SLC12A4: variants seen among roughly 807,000 people sequenced by gnomAD.
The protein encoded by SLC12A4 is electroneutral potassium-chloride cotransporter 1.
In SLC12A4, 84 loss-of-function variants were observed where a neutral mutation model predicts 119.2. That is an observed-to-expected ratio of 0.70 (90% CI 0.59 to 0.85). SLC12A4 has a LOEUF of 0.85. Among genes scored for constraint, SLC12A4 ranks in the 40% least tolerant of loss-of-function variants. The pLI is 0.00. For missense variants in SLC12A4, 1,298 were observed against 1,476.3 expected (o/e 0.88, Z 1.98); for synonymous variants, 599 against 604.6 (o/e 0.99, Z 0.14).
chr16:67,967,628 G>A (rs1229232006), intron 1 of SLC12A4, among the ~76,000 whole-genome samples: 2 of 152,148 alleles, frequency 1.3e-5, no homozygotes, highest in Non-Finnish European at 2.9e-5. Context: ...GGAGAGACGC[G>A]GGCACCTGGG....
chr16:67,965,191 T>C (rs1242442472), intron 1 of SLC12A4, among the ~76,000 whole-genome samples: 4 of 152,170 alleles, frequency 2.6e-5, no homozygotes, highest in African/African-American at 9.7e-5. Flanking sequence ...CCATGCTTGT[T>C]CAGGATCAGA....
chr16:67,943,974 C>G lies in SLC12A4; in HGVS notation c.*866G>C, dbSNP rs143128684. The G allele has an allele frequency of 6.5e-7, 1 of 1,548,100 alleles. No individual in the cohort carries two copies. Among genetic ancestry groups the G allele is most frequent in the African/African-American group, 1.4e-5 (1 of 72,970 alleles). ...GAGGATGACGGGCCGTGTGTGGTTA[C>G]TGAGCTCAGCCTTGGGCGTGGTGTG... On this transcript the variant is annotated 3_prime_UTR_variant, in exon 24 of 24. Coordinates refer to ENST00000316341, the MANE Select transcript of SLC12A4 (RefSeq NM_005072.5). The surrounding 1 kb of genome is among the most constrained non-coding windows in gnomAD (Gnocchi z 4.6).
intron 6 of SLC12A4, among the ~76,000 whole-genome samples, chr16:67,953,691 A>T (rs536953965): frequency 6.6e-6 from 1 of 152,342 alleles, no homozygotes; most frequent in South Asian, 2.1e-4. Flanking sequence ...TGTAAATTAT[A>T]TGTTAATAAA....
chr16:67,950,348 C>A lies in SLC12A4; in HGVS notation c.1600G>T (p.Ala534Ser). ...TGAPRLLQAI[A>S]KDNIIPFLRV... ...AGGAAGGGGATGATGTTGTCCTTGG[C>A]AATGGCCTGCAATAGGCGTGGTGCC... is the stretch of plus-strand genomic sequence containing the variant. Residue 534 changes from alanine (A) to serine (S), a missense_variant, in exon 12 of 24, where the codon GCC becomes TCC. Physicochemically the swap from Ala to Ser is moderately conservative, Grantham distance 99. Coordinates refer to ENST00000316341, the MANE Select transcript of SLC12A4 (RefSeq NM_005072.5). The surrounding 1 kb of genome is among the most constrained non-coding windows in gnomAD (Gnocchi z 4.3). 6.2e-7 allele frequency: 1 copy of A among 1,614,018 alleles called. No homozygotes were observed.
chr16:67,947,336 G>A lies in SLC12A4; in HGVS notation c.2067C>T (p.Asn689=), dbSNP rs201338401. Reference sequence around the variant, plus strand: ...AGGGTCTGGCGGGAACTCACCGCCAGTTCTTGGTGTGAGGAGGCCCCTCCT... The same window carrying A: ...AGGGTCTGGCGGGAACTCACCGCCAATTCTTGGTGTGAGGAGGCCCCTCCT... ...RLEEGPPHTK[N]WRPQLLVLLK... Residue 689 remains asparagine (N), a synonymous_variant, in exon 16 of 24, where the codon AAC becomes AAT. Transcript: ENST00000316341. 4.0e-5 allele frequency: 64 copies of A among 1,611,876 alleles called. No individual in the cohort carries two copies. In the East Asian group the frequency reaches 1.4e-3, roughly 35 times the overall value.
chr16:67,968,365 G>A, intron 1 of SLC12A4, 74 bp downstream of exon 1: 1 of 1,342,874 alleles, frequency 7.4e-7, no homozygotes, highest in African/African-American at 1.5e-5. Context: ...ATAGGTGCGG[G>A]CGCGGGCCCG....
Position 67,943,845 on chromosome 16 carries a change from C to T in SLC12A4, c.*995G>A. The T allele has an allele frequency of 8.7e-7, 1 of 1,147,796 alleles. No individual in the cohort carries two copies. The highest frequency in any genetic ancestry group is 1.6e-5 in the African/African-American group (1 of 64,190). 71.1% of individuals were successfully genotyped at this position (1,147,796 alleles called of 1,614,324 possible). ...ACCAGGGCAGGTACTTATGTCGGGG[C>T]TTATGCAGGGCAGAAGGGCTTTGGC... On this transcript the variant is annotated 3_prime_UTR_variant, in exon 24 of 24. Transcript: ENST00000316341. The surrounding 1 kb of genome is among the most constrained non-coding windows in gnomAD (Gnocchi z 4.6).
At chr16:67,947,846 C>T in intron 14 of SLC12A4, 58 bp from the exon 15 acceptor site, 1 of 1,539,666 alleles carries the variant, frequency 6.5e-7, no homozygotes, top group South Asian at 1.2e-5. Flanking sequence ...TGGCCACAGC[C>T]TGGCCCATGC....
chr16:67,956,551 G>A (rs576509125), intron 5 of SLC12A4, among the ~76,000 whole-genome samples: 38 of 151,808 alleles, frequency 2.5e-4, no homozygotes, highest in Non-Finnish European at 5.0e-4. Flanking sequence ...GTGGTCGCCT[G>A]TAATCCCAGC....
Position 67,943,730 on chromosome 16 carries a change from GC to G in SLC12A4, c.*1109del, listed in dbSNP as rs745557321. The G allele has an allele frequency of 3.7e-5, 21 of 571,890 alleles. No individual in the cohort carries two copies. The highest frequency in any genetic ancestry group is 5.6e-5 in the African/African-American group (3 of 53,498). 35.4% of individuals were successfully genotyped at this position (571,890 alleles called of 1,614,324 possible). Reference sequence around the variant, plus strand: ...TCAGGCACACCCCGTCCCCCACTCCGCCCCCCCTGGGTTAGACAACTGAGAG... The same window carrying G: ...TCAGGCACACCCCGTCCCCCACTCCGCCCCCCTGGGTTAGACAACTGAGAG... On this transcript the variant is annotated 3_prime_UTR_variant, in exon 24 of 24. Coordinates refer to ENST00000316341, the MANE Select transcript of SLC12A4 (RefSeq NM_005072.5). This position sits in a 1 kb window ranked among gnomAD's most constrained non-coding sequence, Gnocchi z 4.6.
chr16:67,944,030 G>A lies in SLC12A4; in HGVS notation c.*810C>T, dbSNP rs766869301. On this transcript the variant is annotated 3_prime_UTR_variant, in exon 24 of 24. Coordinates refer to ENST00000316341, the MANE Select transcript of SLC12A4 (RefSeq NM_005072.5). This position sits in a 1 kb window ranked among gnomAD's most constrained non-coding sequence, Gnocchi z 6.6. ...GGAAGAGCACATTGAGGAGCCAGAA[G>A]GGGGCGGCAGGAGGGAGCAGCAGCC... The A allele has an allele frequency of 6.5e-6, 10 of 1,547,838 alleles. No individual in the cohort carries two copies. The highest frequency in any genetic ancestry group is 8.7e-6 in the Non-Finnish European group (10 of 1,145,756).
rs370106833 is a variant in SLC12A4 at position 67,949,835 on chromosome 16, G to A, written c.1713C>T (p.Ile571=). The A allele has an allele frequency of 3.7e-5, 60 of 1,610,220 alleles. 1 individual carries two copies. The South Asian group carries it at 4.0e-4, about 11-fold the overall frequency. ...TALIAELGIL[I]ASLDMVAPIL... ...TGGGGGCCACCATGTCGAGGGAGGC[G>A]ATGAGGATGCCCAGCTCGGCGATGA... The change falls in exon 13 of 24, where the codon ATC becomes ATT. Residue 571 remains isoleucine, a synonymous_variant. Transcript: ENST00000316341. The surrounding 1 kb of genome is among the most constrained non-coding windows in gnomAD (Gnocchi z 4.6).
chr16:67,956,484 G>A lies in SLC12A4; in HGVS notation c.544+1258C>T, dbSNP rs141559907. 5.3e-3 allele frequency among the ~76,000 whole-genome samples: 799 copies of A among 152,092 alleles called. 8 individuals are homozygous for A. The highest frequency in any genetic ancestry group is 0.018 in the African/African-American group (733 of 41,474). ...GTGGATCAGTTAAGGTCAAGAGTTC[G>A]AAACCATCCTGGCCAACATAGTGAA... On this transcript the variant is annotated intron_variant, in intron 5 of 23. Coordinates refer to ENST00000316341, the MANE Select transcript of SLC12A4 (RefSeq NM_005072.5).
chr16:67,964,062 C>T (rs1030726082), intron 1 of SLC12A4: 3 of 1,548,112 alleles, frequency 1.9e-6, no homozygotes, highest in Middle Eastern at 1.7e-4. Context: ...CCCCACCATG[C>T]ACTGCGCGGG....
At position 67,946,280 on chromosome 16, in the gene SLC12A4, A is replaced by G. The variant is rs565761582; in HGVS notation, c.2498T>C (p.Phe833Ser). Residue 833 changes from phenylalanine to serine, a missense_variant, in exon 19 of 24, where the codon TTC becomes TCC. By Grantham distance (155) the Phe-to-Ser change is radical. Transcript: ENST00000316341. ...LALLVPKNIA[F>S]YPSNHERYLE... is the part of the protein sequence containing the mutation. The stretch of plus-strand genomic sequence containing the variant: ...GTAGCGCTCGTGGTTGCTGGGGTAG[A>G]AGGCGATGTTCTTGGGCACGAGCAG... 6.2e-6 allele frequency: 10 copies of G among 1,613,422 alleles called. No homozygotes were observed. Among genetic ancestry groups the G allele is most frequent in the South Asian group, 2.2e-5 (2 of 91,078 alleles).
rs777984930 is a variant in SLC12A4, at chr16:67,945,093, C to A, written c.3160G>T (p.Glu1054Ter). 3 of 1,581,054 alleles carry A rather than the reference C, an allele frequency of 1.9e-6. No individual in the cohort carries two copies. The highest frequency in any genetic ancestry group is 2.6e-6 in the Non-Finnish European group (3 of 1,161,488). The change falls in exon 23 of 24, where the codon GAG becomes TAG. Residue 1054 changes from glutamate (E) to a stop codon, truncating the protein, a stop_gained. Coordinates refer to ENST00000316341, the MANE Select transcript of SLC12A4 (RefSeq NM_005072.5). LOFTEE classifies it high-confidence loss of function. Reference sequence around the variant, plus strand: ...CCTCTCCACAAAGGGATACAGTTCTCGTCGCCCTCACTGTTCCTGGGTGGG... The same window carrying A: ...CCTCTCCACAAAGGGATACAGTTCTAGTCGCCCTCACTGTTCCTGGGTGGG... Reference protein sequence around the residue: ...PGPPRNSEGDENYMEFLEVLT... With the variant: ...PGPPRNSEGD
intron 13 of SLC12A4, among the ~76,000 whole-genome samples, chr16:67,948,436 G>C (rs1482748960): frequency 6.6e-6 from 1 of 152,216 alleles, no homozygotes; most frequent in East Asian, 1.9e-4. Flanking sequence ...GGTGGTGCAG[G>C]GGCAGCAGGA....
In SLC12A4 at chr16:67,950,210, C is replaced by A; in HGVS notation, c.1629+109G>T. 1 of 1,352,030 alleles carries A rather than the reference C, an allele frequency of 7.4e-7. No individual in the cohort carries two copies. The highest frequency in any genetic ancestry group is 1.0e-6 in the Non-Finnish European group (1 of 994,638). The allele number at this position is 1,352,030 out of a possible 1,614,324, so 83.8% of individuals were successfully genotyped here. On this transcript the variant is annotated intron_variant, in intron 12 of 23. Transcript: ENST00000316341. This position sits in a 1 kb window ranked among gnomAD's most constrained non-coding sequence, Gnocchi z 4.3. ...CTCCTCATGGATGGCCGCCTGGCCC[C>A]GGGGGCCAATAAGGGCAGGACGTGC...
Position 67,950,070 on chromosome 16 carries a change from ATTCCAC to A in SLC12A4, c.1630-158_1630-153del. 5.7e-6 allele frequency: 4 copies of A among 707,170 alleles called. No individual in the cohort carries two copies. Among genetic ancestry groups the A allele is most frequent in the Non-Finnish European group, 9.6e-6 (4 of 416,068 alleles). The allele number at this position is 707,170 out of a possible 1,614,324, so 43.8% of individuals were successfully genotyped here. On this transcript the variant is annotated intron_variant, in intron 12 of 23. Transcript: ENST00000316341. This position sits in a 1 kb window ranked among gnomAD's most constrained non-coding sequence, Gnocchi z 4.3. ...CCTATGGGTGTCACCAGTCTCCCTG[ATTCCAC>A]CTCACCAGGCCTCTCTCCTTTGGAT... is the stretch of plus-strand genomic sequence containing the variant.
Sources: allele counts gnomAD v4.1 joint callset (sites outside exome capture counted in the v4.1 genomes callset), GRCh38; gene constraint gnomAD v4.1.1; non-coding constraint Gnocchi (gnomAD v3.1); transcripts MANE v1.5; gene names NCBI Gene and HGNC (gene_info 2026-07-23, HGNC 2026-07-21).